Variants in ALX3 observed in about 807,000 individuals in gnomAD.
ALX3 encodes the protein ALX homeobox 3.
Under a neutral mutation model 26.3 loss-of-function variants are expected in ALX3, and 17 were observed. The observed-to-expected ratio is 0.65, with a 90% CI of 0.44 to 0.97. The LOEUF (loss-of-function observed/expected upper bound fraction) is 0.97. ALX3 is among the 50% of genes least tolerant of loss of function. The pLI is 0.00. For missense variants in ALX3, 461 were observed against 466.5 expected (o/e 0.99, Z 0.11); for synonymous variants, 208 against 201.4 (o/e 1.03, Z -0.28).
intron 2 of ALX3, among the ~76,000 whole-genome samples, chr1:110,063,382 T>G (rs974396013): frequency 1.3e-5 from 2 of 152,110 alleles, no homozygotes; most frequent in Non-Finnish European, 2.9e-5. Context: ...TTTTGGCTCC[T>G]CGGAGGAGCA....
chr1:110,062,646 G>GTGTGTGTGTGTGTGTGTGTC lies in ALX3; in HGVS notation c.595-1084_595-1083insGACACACACACACACACACA. ...GTGTGTGTGTGTGTGTGTGTGTGTG[G>GTGTGTGTGTGTGTGTGTGTC]AGTAATCCGTCTACCCCAGCTGGGA... On this transcript the variant is annotated intron_variant, in intron 2 of 3. Coordinates refer to ENST00000647563, the MANE Select transcript of ALX3 (RefSeq NM_006492.3). The GTGTGTGTGTGTGTGTGTGTC allele has an allele frequency of 1.4e-3, 182 of 126,340 alleles. 4 individuals carry two copies. Among genetic ancestry groups the GTGTGTGTGTGTGTGTGTGTC allele is most frequent in the African/African-American group, 4.3e-3 (152 of 35,348 alleles). 7.8% of individuals were successfully genotyped at this position (126,340 alleles called of 1,614,324 possible).
intron 2 of ALX3, chr1:110,062,286 C>T (rs1570936785): frequency 6.6e-6 from 1 of 152,498 alleles, no homozygotes; most frequent in African/African-American, 2.4e-5. Flanking sequence ...TCTCTTTGTA[C>T]TCACCCCATT....
At chr1:110,061,097 C>A in intron 3 of ALX3, 56 bp from the exon 4 acceptor site, 2 of 1,548,146 alleles carry the variant, frequency 1.3e-6, no homozygotes, top group East Asian at 2.4e-5. Context: ...GCTGACTTCC[C>A]TACCCAGGGG....
At chr1:110,068,298 T>G (rs900951491) in intron 1 of ALX3, among the ~76,000 whole-genome samples, 1 of 152,234 alleles carries the variant, frequency 6.6e-6, no homozygotes, top group Non-Finnish European at 1.5e-5. Context: ...GCGGGTTCCC[T>G]CTTCGCCCGC....
rs1570935653 is a variant in ALX3 at position 110,060,643 on chromosome 1, C to T, written c.*90G>A. 5 of 316,614 alleles carry T rather than the reference C, an allele frequency of 1.6e-5. No homozygotes were observed. In the East Asian group the frequency reaches 1.3e-3, roughly 80 times the overall value. The allele number at this position is 316,614 out of a possible 1,614,324, so 19.6% of individuals were successfully genotyped here. ...CCAGCTGCTCTCGCAGCCTCCAGAACCATCTGGGGCTTGGAGGCAGAGGTG... is the reference window on the plus strand; with the variant it reads ...CCAGCTGCTCTCGCAGCCTCCAGAATCATCTGGGGCTTGGAGGCAGAGGTG... On this transcript the variant is annotated 3_prime_UTR_variant, in exon 4 of 4. Coordinates refer to ENST00000647563, the MANE Select transcript of ALX3 (RefSeq NM_006492.3).
chr1:110,067,101 G>C (rs763528837), intron 1 of ALX3, among the ~76,000 whole-genome samples: 7 of 152,200 alleles, frequency 4.6e-5, no homozygotes, highest in Non-Finnish European at 1.0e-4. Flanking sequence ...CCTCCACTTT[G>C]GGAGAGGGGC....
chr1:110,061,143 A>C, intron 3 of ALX3, 102 bp from the exon 4 acceptor site: 1 of 1,352,176 alleles, frequency 7.4e-7, no homozygotes, highest in African/African-American at 1.5e-5. Context: ...GAAACTTTCC[A>C]GGAAACCTCC....
chr1:110,063,941 A>G (rs936196427), intron 2 of ALX3, among the ~76,000 whole-genome samples: 1 of 151,874 alleles, frequency 6.6e-6, no homozygotes, highest in African/African-American at 2.4e-5. Flanking sequence ...AAAACTGGCC[A>G]CGGCCCCTCT....
rs975672419 is a variant in ALX3 at position 110,064,717 on chromosome 1, C to T, written c.464G>A (p.Arg155His). The change falls in exon 2 of 4, where the codon CGT (arginine) becomes CAT (histidine). Residue 155 changes from arginine (R) to histidine (H), a missense_variant. By Grantham distance (29) the Arg-to-His change is conservative (BLOSUM62 0). Around this residue, in one of 3 missense-constraint regions of ALX3, gnomAD observed 51 missense variants for 82.4 expected, o/e 0.62. Transcript: ENST00000647563. Reference protein sequence around the residue: ...ELAKNKSKKRRNRTTFSTFQL... With the variant: ...ELAKNKSKKRHNRTTFSTFQL... ...GAATGTGCTGAAGGTCGTGCGGTTA[C>T]GACGCTTCTTGCTCTTGTTCTTGGC... 23 of 1,614,078 alleles carry T rather than the reference C, an allele frequency of 1.4e-5. No individual in the cohort carries two copies. Among genetic ancestry groups the T allele is most frequent in the Non-Finnish European group, 1.8e-5 (21 of 1,180,036 alleles).
Position 110,060,608 on chromosome 1 carries a change from G to T in ALX3, c.*125C>A. 1.6e-6 allele frequency: 1 copy of T among 615,864 alleles called. No individual in the cohort carries two copies. Among genetic ancestry groups the T allele is most frequent in the Non-Finnish European group, 2.3e-6 (1 of 441,570 alleles). 38.1% of individuals were successfully genotyped at this position (615,864 alleles called of 1,614,324 possible). On this transcript the variant is annotated 3_prime_UTR_variant, in exon 4 of 4. Coordinates refer to ENST00000647563, the MANE Select transcript of ALX3 (RefSeq NM_006492.3). ...CCCTGTAACGTGTTCCCTGCTGGGGGCTGACAGTGCCAGCTGCTCTCGCAG... is the reference window on the plus strand; with the variant it reads ...CCCTGTAACGTGTTCCCTGCTGGGGTCTGACAGTGCCAGCTGCTCTCGCAG...
intron 3 of ALX3, 165 bp downstream of exon 3, chr1:110,061,270 G>T (rs566626158): frequency 1.7e-6 from 2 of 1,211,616 alleles, no homozygotes; most frequent in Non-Finnish European, 2.3e-6. Context: ...TTCCGCATGC[G>T]TCATTCATGA....
Position 110,070,503 on chromosome 1 carries a change from T to C in ALX3, c.110A>G (p.His37Arg). 2 of 1,276,800 alleles carry C rather than the reference T, an allele frequency of 1.6e-6. No individual in the cohort carries two copies. Among genetic ancestry groups the C allele is most frequent in the Non-Finnish European group, 2.0e-6 (2 of 1,013,198 alleles). The allele number at this position is 1,276,800 out of a possible 1,614,324, so 79.1% of individuals were successfully genotyped here. ...GCCGCGGGGCGGCGCGGGGTGCAGG[T>C]GAGGCGCAGCGGCGGGGGTTCCCTG... ...GPQGTPAAAP[H>R]LHPAPPRGPR... The change falls in exon 1 of 4, where the codon CAC becomes CGC. Residue 37 changes from histidine to arginine, a missense_variant. By Grantham distance (29) the His-to-Arg change is conservative. Around this residue, in one of 3 missense-constraint regions of ALX3, gnomAD observed 241 missense variants for 206.1 expected, o/e 1.17. Coordinates refer to ENST00000647563, the MANE Select transcript of ALX3 (RefSeq NM_006492.3).
At chr1:110,062,646 G>GTGTGTGTGTC in intron 2 of ALX3, 3,572 of 126,302 alleles carry the variant, frequency 0.028, 153 homozygotes, top group African/African-American at 0.045. Flanking sequence ...TGTGTGTGTG[G>GTGTGTGTGTC]AGTAATCCGT....
At chr1:110,061,336 A>G in intron 3 of ALX3, 99 bp downstream of exon 3, 1 of 1,575,852 alleles carries the variant, frequency 6.3e-7, no homozygotes. Flanking sequence ...ACCCACTGTC[A>G]TACAGAACGC....
At position 110,064,612 on chromosome 1, in the gene ALX3, G is replaced by C; in HGVS notation, c.569C>G (p.Thr190Arg). Reference protein sequence around the residue: ...VYAREQLALRTDLTEARVQVW... With the variant: ...VYAREQLALRRDLTEARVQVW... ...CTGTACCCGGGCCTCAGTCAGGTCTGTGCGCAGGGCCAGCTGCTCCCGGGC... is the reference window on the plus strand; with the variant it reads ...CTGTACCCGGGCCTCAGTCAGGTCTCTGCGCAGGGCCAGCTGCTCCCGGGC... The change falls in exon 2 of 4, where the codon ACA becomes AGA. Residue 190 changes from threonine (T) to arginine (R), a missense_variant. Thr to Arg is a moderately conservative substitution (Grantham distance 71, BLOSUM62 -1). Coordinates refer to ENST00000647563, the MANE Select transcript of ALX3 (RefSeq NM_006492.3). 6.2e-7 allele frequency: 1 copy of C among 1,614,142 alleles called. No homozygotes were observed. Among genetic ancestry groups the C allele is most frequent in the Non-Finnish European group, 8.5e-7 (1 of 1,180,048 alleles).
In ALX3 at chr1:110,060,863, T is replaced by C. The variant is rs754931220; in HGVS notation, c.902A>G (p.His301Arg). The C allele has an allele frequency of 1.7e-5, 28 of 1,613,718 alleles. No homozygotes were observed. The highest frequency in any genetic ancestry group is 2.3e-5 in the Non-Finnish European group (27 of 1,179,964). ...SAAHPGIYSIHGFPPTLGGHS... is the reference protein window; with the variant it reads ...SAAHPGIYSIRGFPPTLGGHS... ...GCCCCCCAGGGTGGGGGGAAAGCCATGGATGGAGTAGATGCCAGGGTGAGC... is the reference window on the plus strand; with the variant it reads ...GCCCCCCAGGGTGGGGGGAAAGCCACGGATGGAGTAGATGCCAGGGTGAGC... The change falls in exon 4 of 4, where the codon CAT becomes CGT. Residue 301 changes from histidine (H) to arginine (R), a missense_variant. By Grantham distance (29) the His-to-Arg change is conservative. This residue lies in a region of ALX3 where 169 missense variants were observed against 178.0 expected (regional missense o/e 0.95). Transcript: ENST00000647563.
chr1:110,068,917 T>C (rs1653852362), intron 1 of ALX3, among the ~76,000 whole-genome samples: 1 of 152,190 alleles, frequency 6.6e-6, no homozygotes, highest in South Asian at 2.1e-4. Context: ...GCACCAGCGC[T>C]CTCTGCAGTT....
chr1:110,061,784 C>T (rs1653654287), intron 2 of ALX3: 1 of 631,656 alleles, frequency 1.6e-6, no homozygotes, highest in South Asian at 2.0e-5. Flanking sequence ...CCATGGGCCT[C>T]CAGCTGTCAC....
Position 110,064,788 on chromosome 1 carries a change from G to C in ALX3, c.393C>G (p.Ser131Arg), listed in dbSNP as rs766497153. The C allele has an allele frequency of 9.9e-6, 16 of 1,614,078 alleles. No homozygotes were observed. Among genetic ancestry groups the C allele is most frequent in the Non-Finnish European group, 1.3e-5 (15 of 1,180,054 alleles). Reference sequence around the variant, plus strand: ...GTCCCGGGGAAAGAGGAAGATGCAGGCTGGCCAGGCAGGGGCCTGGGGAGC... The same window carrying C: ...GTCCCGGGGAAAGAGGAAGATGCAGCCTGGCCAGGCAGGGGCCTGGGGAGC... ...LQGSPGPCLA[S>R]LHLPLSPGLP... The change falls in exon 2 of 4, where the codon AGC becomes AGG. Residue 131 changes from serine to arginine, a missense_variant. Ser to Arg is a moderately radical substitution (Grantham distance 110). Coordinates refer to ENST00000647563, the MANE Select transcript of ALX3 (RefSeq NM_006492.3).
Sources: allele counts gnomAD v4.1 joint callset (sites outside exome capture counted in the v4.1 genomes callset), GRCh38; gene constraint gnomAD v4.1.1; regional missense constraint gnomAD v4.1.1; transcripts MANE v1.5; gene names NCBI Gene and HGNC (gene_info 2026-07-23, HGNC 2026-07-21).